IL1RAPL2: variants seen among roughly 807,000 people sequenced by gnomAD.
IL1RAPL2 encodes the protein interleukin 1 receptor accessory protein like 2.
In IL1RAPL2, 3 loss-of-function variants were observed where a neutral mutation model predicts 44.1. That is an observed-to-expected ratio of 0.07 (90% CI 0.03 to 0.18). The LOEUF is 0.18. IL1RAPL2 is among the 10% of genes least tolerant of loss of function. The pLI is 1.00. For missense variants in IL1RAPL2, 391 were observed against 496.4 expected (o/e 0.79, Z 2.02); for synonymous variants, 181 against 178.8 (o/e 1.01, Z -0.10).
chrX:105,612,272 A>AT (rs772877310), intron 6 of IL1RAPL2, among the ~76,000 whole-genome samples: 7 of 109,726 alleles, frequency 6.4e-5, no homozygotes, highest in African/African-American at 1.0e-4. Flanking sequence ...TGCTTAGCTA[A>AT]TTTTTTTTAT....
At chrX:105,569,872 C>A (rs192540212) in intron 6 of IL1RAPL2, among the ~76,000 whole-genome samples, 16 of 111,597 alleles carry the variant, frequency 1.4e-4, no homozygotes, top group Non-Finnish European at 1.9e-5. Flanking sequence ...CATTTTTGCA[C>A]AGCCACATTA....
intron 2 of IL1RAPL2, among the ~76,000 whole-genome samples, chrX:104,960,038 T>C (rs776598515): frequency 8.9e-6 from 1 of 112,248 alleles, no homozygotes; most frequent in African/African-American, 3.2e-5. Flanking sequence ...GCCATATAGC[T>C]CCTACTGGAA....
intron 5 of IL1RAPL2, among the ~76,000 whole-genome samples, chrX:105,341,511 T>C (rs1223714664): frequency 8.9e-6 from 1 of 111,997 alleles, no homozygotes; most frequent in Non-Finnish European, 1.9e-5. Context: ...AACTCTTAAC[T>C]GGCATTTAAA....
intron 1 of IL1RAPL2, among the ~76,000 whole-genome samples, chrX:104,610,584 C>A (rs1035298687): frequency 4.5e-5 from 5 of 111,668 alleles, no homozygotes; most frequent in Non-Finnish European, 7.5e-5. Flanking sequence ...ATGTGAAGGA[C>A]CTCTTGAAGG....
At chrX:105,537,857 T>C (rs2036689000) in intron 6 of IL1RAPL2, among the ~76,000 whole-genome samples, 1 of 110,308 alleles carries the variant, frequency 9.1e-6, no homozygotes, top group African/African-American at 3.3e-5. Flanking sequence ...ATCCTATCTT[T>C]ATCTGCATAC....
rs139274067 is a variant in IL1RAPL2 at position 105,336,849 on chromosome X, G to A, written c.697+69308G>A. On this transcript the variant is annotated intron_variant, in intron 5 of 10. Coordinates refer to ENST00000372582, the MANE Select transcript of IL1RAPL2 (RefSeq NM_017416.2). The stretch of plus-strand genomic sequence containing the variant: ...TTCCTTATATCATTTATTGGTAAAT[G>A]TCACTACTGTATTACCTGTCCTCCA... Among the ~76,000 whole-genome samples, 524 of 111,871 alleles carry A rather than the reference G, an allele frequency of 4.7e-3. 5 individuals carry two copies. Among genetic ancestry groups the A allele is most frequent in the African/African-American group, 0.016 (497 of 30,796 alleles).
intron 6 of IL1RAPL2, among the ~76,000 whole-genome samples, chrX:105,645,830 C>A (rs980588614): frequency 1.8e-5 from 2 of 111,836 alleles, no homozygotes; most frequent in South Asian, 7.5e-4. Flanking sequence ...ATTATGTCTG[C>A]GGTCGCTGGC....
At chrX:105,032,619 A>T (rs1215906673) in intron 2 of IL1RAPL2, among the ~76,000 whole-genome samples, 1 of 111,447 alleles carries the variant, frequency 9.0e-6, no homozygotes, top group Non-Finnish European at 1.9e-5. Flanking sequence ...GTTCTTTTAC[A>T]TTTGCTGAGG....
intron 5 of IL1RAPL2, among the ~76,000 whole-genome samples, chrX:105,323,511 A>G (rs2034911824): frequency 9.0e-6 from 1 of 111,596 alleles, no homozygotes; most frequent in Non-Finnish European, 1.9e-5. Flanking sequence ...CCTTCTGGCT[A>G]GGTTGTAAGC....
chrX:105,242,868 G>A (rs1379125058), intron 4 of IL1RAPL2, among the ~76,000 whole-genome samples: 1 of 111,170 alleles, frequency 9.0e-6, no homozygotes, highest in African/African-American at 3.3e-5. Context: ...GGGAGACCAA[G>A]GCGGGCGGAT....
At chrX:105,444,115 A>G (rs1218392263) in intron 5 of IL1RAPL2, among the ~76,000 whole-genome samples, 2 of 111,665 alleles carry the variant, frequency 1.8e-5, no homozygotes, top group Non-Finnish European at 3.8e-5. Context: ...AACTTTTCGT[A>G]TGCCTGTTTG....
intron 6 of IL1RAPL2, among the ~76,000 whole-genome samples, chrX:105,658,813 T>A (rs1292878265): frequency 1.9e-5 from 2 of 104,423 alleles, no homozygotes; most frequent in African/African-American, 7.5e-5. Flanking sequence ...AAAAAAAAAA[T>A]TAGCCAGGCA....
At chrX:105,495,818 G>T (rs990426222) in intron 6 of IL1RAPL2, among the ~76,000 whole-genome samples, 1 of 110,895 alleles carries the variant, frequency 9.0e-6, no homozygotes, top group African/African-American at 3.3e-5. Flanking sequence ...GTCTCTCCCC[G>T]CCACAACCAT....
chrX:105,283,349 A>G (rs1476660550), intron 5 of IL1RAPL2, among the ~76,000 whole-genome samples: 2 of 111,630 alleles, frequency 1.8e-5, no homozygotes, highest in Non-Finnish European at 3.8e-5. Context: ...CTACTTGAAC[A>G]AAATAAAGTT....
At chrX:105,047,249 T>C (rs1386077445) in intron 2 of IL1RAPL2, among the ~76,000 whole-genome samples, 1 of 111,683 alleles carries the variant, frequency 9.0e-6, no homozygotes, top group East Asian at 2.8e-4. Flanking sequence ...TTAAATATTA[T>C]TCCAAAAAGC....
chrX:104,858,229 G>T (rs774839477), intron 2 of IL1RAPL2, among the ~76,000 whole-genome samples: 16 of 111,373 alleles, frequency 1.4e-4, no homozygotes, highest in African/African-American at 5.2e-4. Context: ...ATTCATTCTT[G>T]GTACCCTAAT....
At chrX:105,406,449 C>T in intron 5 of IL1RAPL2, 2 of 1,187,810 alleles carry the variant, frequency 1.7e-6, no homozygotes, top group Non-Finnish European at 1.1e-6. Flanking sequence ...ATAAAGAATT[C>T]TCAACCACCG....
chrX:105,259,731 A>G (rs2034342169), intron 4 of IL1RAPL2, among the ~76,000 whole-genome samples: 1 of 111,201 alleles, frequency 9.0e-6, no homozygotes, highest in Admixed American at 9.5e-5. Context: ...TTTCCTCCGT[A>G]GTCTGAGGGT....
At chrX:105,084,124 G>C (rs1432955791) in intron 2 of IL1RAPL2, among the ~76,000 whole-genome samples, 1 of 112,369 alleles carries the variant, frequency 8.9e-6, no homozygotes, top group African/African-American at 3.2e-5. Context: ...TTTGCTGCAG[G>C]GGAAGAGCTC....
Sources: allele counts gnomAD v4.1 joint callset (sites outside exome capture counted in the v4.1 genomes callset), GRCh38; gene constraint gnomAD v4.1.1; transcripts MANE v1.5; gene names NCBI Gene and HGNC (gene_info 2026-07-23, HGNC 2026-07-21).